ACTN4: variants seen among roughly 807,000 people sequenced by gnomAD.
The protein encoded by ACTN4 is actinin alpha 4, also known as alpha-actinin-4.
A neutral mutation model predicts 114.2 loss-of-function variants in ACTN4; 18 were observed. The observed-to-expected ratio is 0.16, with a 90% confidence interval of 0.11 to 0.23. The LOEUF is 0.23. Ranked by LOEUF, ACTN4 falls within the 10% of genes least tolerant of loss-of-function variation. The pLI, the probability that ACTN4 is intolerant of heterozygous loss-of-function variation, is 1.00. For synonymous variants in ACTN4, 515 were observed against 506.3 expected, an observed-to-expected ratio of 1.02 and a Z score of -0.23; for missense variants, 722 against 1,262.9, an observed-to-expected ratio of 0.57 and a Z score of 6.49.
chr19:38,731,428 G>A lies in ACTN4; in HGVS notation c.*1996G>A, dbSNP rs183507066. The A allele has an allele frequency of 9.7e-4, 586 of 604,454 alleles. No homozygotes were observed. Among genetic ancestry groups the A allele is most frequent in the Middle Eastern group, 1.8e-3 (4 of 2,254 alleles). The allele number at this position is 604,454 out of a possible 1,614,324, so 37.4% of individuals were successfully genotyped here. The stretch of plus-strand genomic sequence containing the variant: ...CCATCAAACGGACTAAGACAGCCCC[G>A]ACCCCATAGGGTGTGTGAAGACAGA... On this transcript the variant is annotated 3_prime_UTR_variant, in exon 21 of 21. Transcript: ENST00000252699.
chr19:38,728,117 G>A (rs938175243), intron 19 of ACTN4, 91 bp downstream of exon 19: 8 of 1,463,748 alleles, frequency 5.5e-6, no homozygotes, highest in Non-Finnish European at 7.5e-6. Context: ...TCCCACCCCT[G>A]CCATCCTGTG....
intron 8 of ACTN4, among the ~76,000 whole-genome samples, chr19:38,713,565 G>A (rs942447434): frequency 6.6e-6 from 1 of 152,166 alleles, no homozygotes; most frequent in African/African-American, 2.4e-5. Flanking sequence ...GTGCGTGTGT[G>A]CGCTCACACG....
At chr19:38,685,006 C>A (rs577493109) in intron 1 of ACTN4, among the ~76,000 whole-genome samples, 1 of 152,124 alleles carries the variant, frequency 6.6e-6, no homozygotes. Context: ...AAGGCAGTGG[C>A]GTGATCTCAG....
At chr19:38,708,378 A>C (rs1198653536) in intron 6 of ACTN4, among the ~76,000 whole-genome samples, 183 bp downstream of exon 6, 2 of 148,966 alleles carry the variant, frequency 1.3e-5, no homozygotes, top group South Asian at 2.2e-4. Flanking sequence ...GCTGACTCTC[A>C]CCTCCCTTAT....
In ACTN4 at chr19:38,717,774, G is replaced by GCC. The variant is rs1968893293; in HGVS notation, c.1144-151_1144-150dup. ...GATTGTACCTGCTGAGTGCTGGGGG[G>GCC]CCCTGTGTAGGCATCCAGGTATAAT... On this transcript the variant is annotated intron_variant, in intron 10 of 20. Coordinates refer to ENST00000252699, the MANE Select transcript of ACTN4 (RefSeq NM_004924.6). This position sits in a 1 kb window ranked among gnomAD's most constrained non-coding sequence, Gnocchi z 4.0. Among the ~76,000 whole-genome samples, 1 of 152,192 alleles carries GCC rather than the reference G, an allele frequency of 6.6e-6. No individual in the cohort carries two copies. Among genetic ancestry groups the GCC allele is most frequent in the South Asian group, 2.1e-4 (1 of 4,830 alleles).
chr19:38,663,486 A>C (rs1045400881), intron 1 of ACTN4, among the ~76,000 whole-genome samples: 1 of 152,074 alleles, frequency 6.6e-6, no homozygotes, highest in African/African-American at 2.4e-5. Flanking sequence ...AGCTCACAGC[A>C]CTCTAGCTGT....
At chr19:38,670,050 G>A (rs1209710821) in intron 1 of ACTN4, among the ~76,000 whole-genome samples, 1 of 152,166 alleles carries the variant, frequency 6.6e-6, no homozygotes, top group Non-Finnish European at 1.5e-5. Flanking sequence ...TTCCTCAGGG[G>A]TCCCCAGAGC....
At chr19:38,686,693 A>T (rs1257286425) in intron 1 of ACTN4, among the ~76,000 whole-genome samples, 1 of 152,076 alleles carries the variant, frequency 6.6e-6, no homozygotes, top group African/African-American at 2.4e-5. Flanking sequence ...TTGGGTTGAG[A>T]CCTATCTCTT....
intron 1 of ACTN4, among the ~76,000 whole-genome samples, chr19:38,672,340 A>G (rs1383145227): frequency 2.0e-5 from 3 of 148,052 alleles, no homozygotes; most frequent in Non-Finnish European, 3.0e-5. Context: ...TCCCAGGTTC[A>G]AGCAATTCTC....
At chr19:38,661,258 G>T (rs1420931054) in intron 1 of ACTN4, among the ~76,000 whole-genome samples, 4 of 152,200 alleles carry the variant, frequency 2.6e-5, no homozygotes, top group African/African-American at 9.7e-5. Context: ...CTCCTGGACA[G>T]GCCAAACCAG....
In ACTN4 at chr19:38,717,913, C is replaced by G; in HGVS notation, c.1144-14C>G. On this transcript the variant is annotated splice_polypyrimidine_tract_variant and intron_variant, in intron 10 of 20. Transcript: ENST00000252699. The surrounding 1 kb of genome is among the most constrained non-coding windows in gnomAD (Gnocchi z 4.0). ...TTCCTTGTGATAGCCCTGCCTGCTCCTGCCCTGCCCCAGGACATCAACAAT... is the reference window on the plus strand; with the variant it reads ...TTCCTTGTGATAGCCCTGCCTGCTCGTGCCCTGCCCCAGGACATCAACAAT... The G allele has an allele frequency of 6.3e-7, 1 of 1,582,932 alleles. No homozygotes were observed. Among genetic ancestry groups the G allele is most frequent in the Non-Finnish European group, 8.6e-7 (1 of 1,163,660 alleles).
chr19:38,698,301 G>C (rs1968157506), intron 1 of ACTN4, among the ~76,000 whole-genome samples: 1 of 152,198 alleles, frequency 6.6e-6, no homozygotes, highest in Non-Finnish European at 1.5e-5. Flanking sequence ...GGAGGAAATG[G>C]AAGTTAGGAA....
intron 11 of ACTN4, among the ~76,000 whole-genome samples, chr19:38,721,268 T>G (rs1268438851): frequency 6.6e-6 from 1 of 152,188 alleles, no homozygotes; most frequent in Non-Finnish European, 1.5e-5. Flanking sequence ...CAAAAGTTGC[T>G]AAGTTTAGGA....
chr19:38,660,542 C>T (rs62121811), intron 1 of ACTN4, among the ~76,000 whole-genome samples: 8,396 of 152,144 alleles, frequency 0.055, 262 homozygotes, highest in South Asian at 0.11. Context: ...ATTACAGGCA[C>T]GTGCCACCAT....
In ACTN4 at chr19:38,704,116, G is replaced by C. The variant is rs568758199; in HGVS notation, c.398-818G>C. Among the ~76,000 whole-genome samples the C allele has an allele frequency of 2.6e-5, 4 of 152,342 alleles. No homozygotes were observed. The South Asian group carries it at 8.3e-4, about 32-fold the overall frequency. The stretch of plus-strand genomic sequence containing the variant: ...TCACTTGAGCAGGAGTTTGAGACCA[G>C]CTTGGGTAACATAATAAGACCCAGC... On this transcript the variant is annotated intron_variant, in intron 3 of 20. Coordinates refer to ENST00000252699, the MANE Select transcript of ACTN4 (RefSeq NM_004924.6).
chr19:38,688,502 G>C (rs34592527), intron 1 of ACTN4, among the ~76,000 whole-genome samples: 8,513 of 151,362 alleles, frequency 0.056, 252 homozygotes, highest in South Asian at 0.096. Flanking sequence ...ACCTGGGTGG[G>C]AGAGGTTGCA....
At position 38,717,786 on chromosome 19, in the gene ACTN4, C is replaced by T; in HGVS notation, c.1144-141C>T. On this transcript the variant is annotated intron_variant, in intron 10 of 20. Transcript: ENST00000252699. This position sits in a 1 kb window ranked among gnomAD's most constrained non-coding sequence, Gnocchi z 4.0. ...TGAGTGCTGGGGGGCCCTGTGTAGG[C>T]ATCCAGGTATAATAGCAAAGCATGA... 1.8e-6 allele frequency: 2 copies of T among 1,131,596 alleles called. No homozygotes were observed. Among genetic ancestry groups the T allele is most frequent in the South Asian group, 1.4e-5 (1 of 73,252 alleles). 70.1% of individuals were successfully genotyped at this position (1,131,596 alleles called of 1,614,324 possible).
At chr19:38,681,716 A>C (rs988191184) in intron 1 of ACTN4, among the ~76,000 whole-genome samples, 1 of 152,202 alleles carries the variant, frequency 6.6e-6, no homozygotes, top group African/African-American at 2.4e-5. Flanking sequence ...CCTCCAGGGC[A>C]GCACTGTCAG....
In ACTN4 at chr19:38,698,708, C is replaced by CT. The variant is rs546116937; in HGVS notation, c.163-1891dup. Among the ~76,000 whole-genome samples the CT allele has an allele frequency of 1.3e-3, 196 of 152,278 alleles. 3 individuals are homozygous for CT. The South Asian group carries it at 0.027, about 21-fold the overall frequency. Reference sequence around the variant, plus strand: ...AGCGTTGTGCCACCAGGAGGGGTCTCTGTCTCCCAGGTAGAGGAATTCTCC... The same window carrying CT: ...AGCGTTGTGCCACCAGGAGGGGTCTCTTGTCTCCCAGGTAGAGGAATTCTCC... On this transcript the variant is annotated intron_variant, in intron 1 of 20. Coordinates refer to ENST00000252699, the MANE Select transcript of ACTN4 (RefSeq NM_004924.6).
Sources: gnomAD v4.1 joint callset for allele counts (sites outside exome capture counted in the v4.1 genomes callset) on GRCh38, gnomAD v4.1.1 for gene constraint, Gnocchi (gnomAD v3.1) non-coding constraint, MANE v1.5 for transcripts, NCBI Gene and HGNC (gene_info 2026-07-23, HGNC 2026-07-21) for gene names.